The following FRMD4B variants were observed in gnomAD, a reference collection of about 807,000 sequenced individuals.
The protein encoded by FRMD4B is FERM domain-containing protein 4B.
Under a neutral mutation model 141.5 loss-of-function variants are expected in FRMD4B, and 74 were observed. The observed-to-expected ratio is 0.52, with a 90% CI of 0.43 to 0.63. FRMD4B has a LOEUF of 0.63. Ranked by LOEUF, FRMD4B falls within the 30% of genes least tolerant of loss-of-function variation. FRMD4B has a pLI of 0.00. For missense variants in FRMD4B, 1,366 were observed against 1,253.4 expected (o/e 1.09, Z -1.36); for synonymous variants, 506 against 467.9 (o/e 1.08, Z -1.05).
intron 1 of FRMD4B, among the ~76,000 whole-genome samples, chr3:69,327,056 G>T (rs1702212647): frequency 6.6e-6 from 1 of 152,118 alleles, no homozygotes; most frequent in East Asian, 1.9e-4. Context: ...ACAGCCTGTG[G>T]GTTGGGGGTG....
At chr3:69,417,068 G>T (rs1438265494) in intron 2 of FRMD4B, among the ~76,000 whole-genome samples, 1 of 152,122 alleles carries the variant, frequency 6.6e-6, no homozygotes, top group Non-Finnish European at 1.5e-5. Flanking sequence ...TATATACCTG[G>T]TAATGGGATT....
chr3:69,292,028 T>C (rs76621224), intron 4 of FRMD4B, among the ~76,000 whole-genome samples: 2,420 of 152,000 alleles, frequency 0.016, 63 homozygotes, highest in African/African-American at 0.054. Context: ...GTCTTCTTCT[T>C]TAGGCCATAC....
Position 69,412,840 on chromosome 3 carries a change from C to CTT in FRMD4B, c.-1+19792_-1+19793dup, listed in dbSNP as rs869150440. Among the ~76,000 whole-genome samples, 221 of 54,274 alleles carry CTT rather than the reference C, an allele frequency of 4.1e-3. 15 individuals carry two copies. Among genetic ancestry groups the CTT allele is most frequent in the African/African-American group, 0.014 (168 of 12,308 alleles). 35.6% of individuals were successfully genotyped at this position (54,274 alleles called of 152,430 possible). A position where few individuals can be genotyped will look rare whatever the true frequency, so the allele number is the denominator to read the frequency against. On this transcript the variant is annotated intron_variant, in intron 2 of 5. Transcript: ENST00000459638. ...AAGAGAATTCCAATGAGAAGCTCCA[C>CTT]TTTTTTTTTTTTTTTTTTTTTTTTT... is the stretch of plus-strand genomic sequence containing the variant.
intron 2 of FRMD4B, among the ~76,000 whole-genome samples, chr3:69,421,027 C>T (rs61608256): frequency 0.25 from 37,960 of 152,166 alleles, 5,420 homozygotes; most frequent in East Asian, 0.44. Context: ...CATTGTGGCT[C>T]ACACTGAGTC....
At chr3:69,268,709 G>A (rs375025675) in intron 5 of FRMD4B, among the ~76,000 whole-genome samples, 1 of 152,006 alleles carries the variant, frequency 6.6e-6, no homozygotes, top group East Asian at 1.9e-4. Flanking sequence ...GTAAGCCTTT[G>A]ACTAAAGAAG....
chr3:69,474,320 G>A (rs1575815233), intron 1 of FRMD4B, among the ~76,000 whole-genome samples: 1 of 152,188 alleles, frequency 6.6e-6, no homozygotes, highest in South Asian at 2.1e-4. Flanking sequence ...AGGAACCAGG[G>A]TATATCTGGG....
rs67220182 is a variant in FRMD4B, at chr3:69,245,317, T to TTG, written c.581+3907_581+3908dup. Among the ~76,000 whole-genome samples, 741 of 143,044 alleles carry TTG rather than the reference T, an allele frequency of 5.2e-3. 4 individuals carry two copies. The highest frequency in any genetic ancestry group is 0.016 in the East Asian group (76 of 4,830). The allele number at this position is 143,044 out of a possible 152,430, so 93.8% of individuals were successfully genotyped here. A position where few individuals can be genotyped will look rare whatever the true frequency, so the allele number is the denominator to read the frequency against. On this transcript the variant is annotated intron_variant, in intron 7 of 22. Transcript: ENST00000398540. ...GGTATTTTATTTTGCCTGACTTTCT[T>TTG]TGTGTGTGTGTGTGTGTGTGTGTGT... is the stretch of plus-strand genomic sequence containing the variant.
chr3:69,477,311 TG>T, intron 1 of FRMD4B, among the ~76,000 whole-genome samples: 1 of 147,644 alleles, frequency 6.8e-6, no homozygotes. Flanking sequence ...TTCCAGTTTT[TG>T]CCCATTCAGT....
At chr3:69,463,604 AG>A (rs1256611992) in intron 1 of FRMD4B, among the ~76,000 whole-genome samples, 1 of 152,238 alleles carries the variant, frequency 6.6e-6, no homozygotes, top group African/African-American at 2.4e-5. Flanking sequence ...GTCTCCAGTT[AG>A]GCTGAGTAGT....
At chr3:69,321,348 C>A (rs1053910849) in intron 1 of FRMD4B, among the ~76,000 whole-genome samples, 1 of 152,164 alleles carries the variant, frequency 6.6e-6, no homozygotes, top group South Asian at 2.1e-4. Flanking sequence ...AAGCAGCAAG[C>A]CTTTTTAAAA....
intron 17 of FRMD4B, among the ~76,000 whole-genome samples, chr3:69,193,010 G>A (rs6764666): frequency 0.047 from 7,065 of 151,718 alleles, 498 homozygotes; most frequent in East Asian, 0.28. Context: ...TTGAAGAGAC[G>A]GGGTTTCACC....
chr3:69,342,592 A>G (rs576413415), intron 1 of FRMD4B, among the ~76,000 whole-genome samples: 24 of 152,272 alleles, frequency 1.6e-4, no homozygotes, highest in Admixed American at 4.6e-4. Context: ...AGTAACTGCC[A>G]CTTATTAGGT....
intron 9 of FRMD4B, among the ~76,000 whole-genome samples, chr3:69,221,020 T>C (rs2093188937): frequency 6.6e-6 from 1 of 151,670 alleles, no homozygotes; most frequent in African/African-American, 2.4e-5. Context: ...TGGAGTGCAA[T>C]GGTGCAATCA....
chr3:69,216,135 C>T, intron 11 of FRMD4B, 128 bp downstream of exon 11: 1 of 555,270 alleles, frequency 1.8e-6, no homozygotes, highest in Admixed American at 3.0e-5. Context: ...GCTTGGGCGA[C>T]AAAGTGAGAC....
intron 4 of FRMD4B, among the ~76,000 whole-genome samples, chr3:69,294,386 C>A (rs913536079): frequency 6.6e-6 from 1 of 152,198 alleles, no homozygotes; most frequent in Non-Finnish European, 1.5e-5. Flanking sequence ...GTGTATTTCA[C>A]TTTCTCCAAA....
intron 19 of FRMD4B, among the ~76,000 whole-genome samples, chr3:69,185,460 C>T (rs894871983): frequency 6.6e-6 from 1 of 151,364 alleles, no homozygotes; most frequent in Non-Finnish European, 1.5e-5. Flanking sequence ...TATTTTTGGC[C>T]CTTGTAGAGC....
chr3:69,206,729 A>G (rs1388539567), intron 11 of FRMD4B, among the ~76,000 whole-genome samples: 1 of 152,218 alleles, frequency 6.6e-6, no homozygotes, highest in Non-Finnish European at 1.5e-5. Flanking sequence ...AATTTTGAAT[A>G]CATTCTTTCT....
At chr3:69,339,161 A>G (rs189305582) in intron 1 of FRMD4B, among the ~76,000 whole-genome samples, 10 of 151,830 alleles carry the variant, frequency 6.6e-5, no homozygotes, top group Admixed American at 6.6e-4. Context: ...GTTTCCTTTC[A>G]TTTCCTTTAT....
intron 1 of FRMD4B, among the ~76,000 whole-genome samples, chr3:69,366,211 G>C (rs998886506): frequency 1.1e-4 from 17 of 150,860 alleles, no homozygotes; most frequent in African/African-American, 3.9e-4. Flanking sequence ...AGTGGGCCGA[G>C]ATTGCATCAC....
Sources: gnomAD v4.1 joint callset for allele counts (sites outside exome capture counted in the v4.1 genomes callset) on GRCh38, gnomAD v4.1.1 for gene constraint, MANE v1.5 for transcripts, NCBI Gene and HGNC (gene_info 2026-07-23, HGNC 2026-07-21) for gene names.